The following TMEM131L variants were observed in gnomAD, a reference collection of about 807,000 sequenced individuals.
TMEM131L encodes transmembrane 131 like, also known as transmembrane protein 131-like.
A neutral mutation model predicts 192.2 loss-of-function variants in TMEM131L; 54 were observed. That is an observed-to-expected ratio of 0.28 (90% CI 0.23 to 0.35). The LOEUF is 0.35. Among genes scored for constraint, TMEM131L ranks in the 10% least tolerant of loss-of-function variants. The probability of loss-of-function intolerance (pLI) is 1.00; values close to 1 mark genes in which losing one functional copy is unlikely to be tolerated. For missense variants in TMEM131L, 1,888 were observed against 1,972.9 expected (o/e 0.96, Z 0.82); for synonymous variants, 701 against 704.9 (o/e 0.99, Z 0.09).
intron 3 of TMEM131L, among the ~76,000 whole-genome samples, chr4:153,525,189 C>T (rs1363616883): frequency 1.3e-5 from 2 of 152,232 alleles, no homozygotes; most frequent in East Asian, 3.9e-4. Context: ...GTGGTGCACA[C>T]AAATCAGGCA....
chr4:153,555,521 ATTTTTC>A lies in TMEM131L; in HGVS notation c.309-264_309-259del, dbSNP rs1013256033. On this transcript the variant is annotated intron_variant, in intron 4 of 34. Transcript: ENST00000409959. The surrounding 1 kb of genome is among the most constrained non-coding windows in gnomAD (Gnocchi z 4.1). ...CATTTTAATGGCCTAGATGGGTTAA[ATTTTTC>A]TAACACTGAAACCAATGGAGTGCTA... Among the ~76,000 whole-genome samples, 2 of 152,104 alleles carry A rather than the reference ATTTTTC, an allele frequency of 1.3e-5. No individual in the cohort carries two copies. Among genetic ancestry groups the A allele is most frequent in the African/African-American group, 4.8e-5 (2 of 41,408 alleles).
chr4:153,483,051 T>C (rs1336870655), intron 3 of TMEM131L, among the ~76,000 whole-genome samples: 3 of 151,918 alleles, frequency 2.0e-5, no homozygotes, highest in African/African-American at 7.3e-5. Context: ...GAAAAAAAAA[T>C]AATTTTGAAG....
At chr4:153,580,773 G>T in intron 7 of TMEM131L, 53 bp from the exon 8 acceptor site, 1 of 994,008 alleles carries the variant, frequency 1.0e-6, no homozygotes. Flanking sequence ...TATTATTAGT[G>T]TGAGATTGAG....
intron 7 of TMEM131L, among the ~76,000 whole-genome samples, chr4:153,564,451 A>G (rs573420041): frequency 2.0e-5 from 3 of 152,222 alleles, no homozygotes; most frequent in Admixed American, 1.3e-4. Context: ...TGTGAGCAAT[A>G]AATTTCTGTT....
chr4:153,544,369 C>T, intron 3 of TMEM131L, among the ~76,000 whole-genome samples: 1 of 152,220 alleles, frequency 6.6e-6, no homozygotes, highest in African/African-American at 2.4e-5. Context: ...AGGAATAAGG[C>T]CAGCACACAT....
chr4:153,577,282 G>A (rs1204681944), intron 7 of TMEM131L, among the ~76,000 whole-genome samples: 6 of 152,188 alleles, frequency 3.9e-5, no homozygotes, highest in Non-Finnish European at 8.8e-5. Context: ...TTTGCCAAGT[G>A]AGAAGTCTTT....
chr4:153,493,326 A>C (rs1732925582), intron 3 of TMEM131L, among the ~76,000 whole-genome samples: 1 of 128,050 alleles, frequency 7.8e-6, no homozygotes. Flanking sequence ...AGCCTGGGTG[A>C]CAGAGTGAGA....
chr4:153,576,776 T>C (rs979191306), intron 7 of TMEM131L, among the ~76,000 whole-genome samples: 1 of 152,160 alleles, frequency 6.6e-6, no homozygotes. Context: ...AAATACACAC[T>C]GTTAGGTTTT....
chr4:153,480,320 CAG>C (rs1472236172), intron 3 of TMEM131L, among the ~76,000 whole-genome samples: 1 of 151,812 alleles, frequency 6.6e-6, no homozygotes, highest in Non-Finnish European at 1.5e-5. Context: ...GCCTGGGCGA[CAG>C]AGCGAGACTC....
chr4:153,537,207 A>T (rs1368563377), intron 3 of TMEM131L, among the ~76,000 whole-genome samples: 1 of 152,180 alleles, frequency 6.6e-6, no homozygotes, highest in Non-Finnish European at 1.5e-5. Context: ...TGATCACAAG[A>T]GCATTAGATG....
intron 3 of TMEM131L, among the ~76,000 whole-genome samples, chr4:153,512,233 A>G (rs1160991764): frequency 1.3e-5 from 2 of 152,336 alleles, no homozygotes; most frequent in East Asian, 3.9e-4. Context: ...CAGAAATTAT[A>G]TTCTTTGCAA....
At chr4:153,614,365 A>G (rs1217100856) in intron 26 of TMEM131L, among the ~76,000 whole-genome samples, 1 of 152,210 alleles carries the variant, frequency 6.6e-6, no homozygotes, top group East Asian at 1.9e-4. Context: ...TCCGTAGAGA[A>G]CTGAATTGTT....
chr4:153,540,722 C>T lies in TMEM131L; in HGVS notation c.240-9351C>T, dbSNP rs527974008. The stretch of plus-strand genomic sequence containing the variant: ...GTTATAGATGAGCTTTAAAACGTGG[C>T]TAGTGCACCTTTAGGAAACTAATAA... On this transcript the variant is annotated intron_variant, in intron 3 of 34. Coordinates refer to ENST00000409959, the MANE Select transcript of TMEM131L (RefSeq NM_001131007.2). 3.3e-5 allele frequency among the ~76,000 whole-genome samples: 5 copies of T among 152,304 alleles called. No homozygotes were observed. The South Asian group carries it at 1.0e-3, about 32-fold the overall frequency.
chr4:153,589,370 T>C (rs1730916257), intron 16 of TMEM131L, among the ~76,000 whole-genome samples: 1 of 152,162 alleles, frequency 6.6e-6, no homozygotes, highest in Admixed American at 6.5e-5. Flanking sequence ...TAAGGGCTAC[T>C]TGAACAAAAG....
At chr4:153,593,907 G>A (rs371504701) in intron 19 of TMEM131L, 36 bp downstream of exon 19, 183 of 1,342,524 alleles carry the variant, frequency 1.4e-4, no homozygotes, top group Middle Eastern at 1.8e-4. Context: ...AAAGAATGCC[G>A]ACAAACTAGA....
chr4:153,524,811 A>G (rs1442183065), intron 3 of TMEM131L, among the ~76,000 whole-genome samples: 1 of 152,194 alleles, frequency 6.6e-6, no homozygotes, highest in Non-Finnish European at 1.5e-5. Context: ...ACTTTATGTT[A>G]TTTAGAGGAT....
chr4:153,500,165 A>G (rs751469900), intron 3 of TMEM131L, among the ~76,000 whole-genome samples: 5 of 152,128 alleles, frequency 3.3e-5, no homozygotes, highest in South Asian at 2.1e-4. Context: ...CAATGGTACA[A>G]TCATGGCTCA....
chr4:153,557,500 T>A (rs1728553556), intron 6 of TMEM131L, among the ~76,000 whole-genome samples: 1 of 152,198 alleles, frequency 6.6e-6, no homozygotes, highest in African/African-American at 2.4e-5. Flanking sequence ...AGACATTGAT[T>A]GTGTGCTTGG....
At chr4:153,615,725 C>T (rs947257541) in intron 26 of TMEM131L, among the ~76,000 whole-genome samples, 1 of 152,092 alleles carries the variant, frequency 6.6e-6, no homozygotes, top group South Asian at 2.1e-4. Flanking sequence ...TGCACTGACT[C>T]CAGCAGATAC....
Sources: allele counts gnomAD v4.1 joint callset (sites outside exome capture counted in the v4.1 genomes callset), GRCh38; gene constraint gnomAD v4.1.1; non-coding constraint Gnocchi (gnomAD v3.1); transcripts MANE v1.5; gene names NCBI Gene and HGNC (gene_info 2026-07-23, HGNC 2026-07-21).